Variants in GALNT18 observed in about 807,000 individuals in gnomAD.
GALNT18 encodes GalNAc-transferase 18.
In GALNT18, 44 loss-of-function variants were observed where a neutral mutation model predicts 69.5. The ratio of observed to expected loss-of-function variants is 0.63; its 90% CI spans 0.50 to 0.81. GALNT18 has a LOEUF of 0.81. Among genes scored for constraint, GALNT18 ranks in the 40% least tolerant of loss-of-function variants. GALNT18 has a pLI of 0.00. For synonymous variants in GALNT18, 364 were observed against 318.2 expected (o/e 1.14, Z -1.53); for missense variants, 715 against 810.0 (o/e 0.88, Z 1.42).
intron 1 of GALNT18, among the ~76,000 whole-genome samples, chr11:11,572,582 T>C (rs1430878437): frequency 6.6e-6 from 1 of 152,192 alleles, no homozygotes; most frequent in African/African-American, 2.4e-5. Flanking sequence ...TGTGAGAAGC[T>C]GTCTTAGATT....
chr11:11,445,506 C>A (rs1258495411), intron 2 of GALNT18, among the ~76,000 whole-genome samples: 1 of 152,202 alleles, frequency 6.6e-6, no homozygotes, highest in Admixed American at 6.5e-5. Flanking sequence ...TGTTACAAGG[C>A]AGGGATGTTT....
chr11:11,525,328 T>C (rs78211925), intron 1 of GALNT18, among the ~76,000 whole-genome samples: 5,574 of 152,120 alleles, frequency 0.037, 348 homozygotes, highest in African/African-American at 0.13. Flanking sequence ...AGTGGTAGAA[T>C]GGAGGTGAAT....
Position 11,383,835 on chromosome 11 carries a change from CTCTCTG to C in GALNT18, c.596-4577_596-4572del, listed in dbSNP as rs1409170669. On this transcript the variant is annotated intron_variant, in intron 3 of 10. Coordinates refer to ENST00000227756, the MANE Select transcript of GALNT18 (RefSeq NM_198516.3). The surrounding 1 kb of genome is among the most constrained non-coding windows in gnomAD (Gnocchi z 5.2). ...GCACTTCCTCTCTCTCTCTCTCTCT[CTCTCTG>C]TCTCTCTCTCCCTCTCTCTCCTGCC... is the stretch of plus-strand genomic sequence containing the variant. Among the ~76,000 whole-genome samples, 4 of 150,202 alleles carry C rather than the reference CTCTCTG, an allele frequency of 2.7e-5. No individual in the cohort carries two copies. The East Asian group carries it at 6.2e-4, about 23-fold the overall frequency.
Position 11,314,334 on chromosome 11 carries a change from T to C in GALNT18, c.1512+12752A>G, listed in dbSNP as rs1209569187. ...CAACTCTAATTGTGGAGTTTGGACATGAAGTGAAGAACATATCATGTGGAA... is the reference window on the plus strand; with the variant it reads ...CAACTCTAATTGTGGAGTTTGGACACGAAGTGAAGAACATATCATGTGGAA... On this transcript the variant is annotated intron_variant, in intron 9 of 10. Transcript: ENST00000227756. The surrounding 1 kb of genome is among the most constrained non-coding windows in gnomAD (Gnocchi z 5.2). Among the ~76,000 whole-genome samples the C allele has an allele frequency of 2.6e-5, 4 of 151,846 alleles. No homozygotes were observed. Among genetic ancestry groups the C allele is most frequent in the Non-Finnish European group, 4.4e-5 (3 of 68,002 alleles).
rs539787865 is a variant in GALNT18 at position 11,415,235 on chromosome 11, T to C, written c.595+17386A>G. Among the ~76,000 whole-genome samples, 3 of 152,306 alleles carry C rather than the reference T, an allele frequency of 2.0e-5. No homozygotes were observed. Among genetic ancestry groups the C allele is most frequent in the Admixed American group, 1.3e-4 (2 of 15,292 alleles). ...GGCCCAACCAACCGATTGGGGACCT[T>C]AATTACGTCAGCCAATTCCCCTCAC... On this transcript the variant is annotated intron_variant, in intron 3 of 10. Transcript: ENST00000227756. This position sits in a 1 kb window ranked among gnomAD's most constrained non-coding sequence, Gnocchi z 4.1.
In GALNT18 at chr11:11,461,819, T is replaced by G. The variant is rs968843989; in HGVS notation, c.236-12883A>C. On this transcript the variant is annotated intron_variant, in intron 1 of 10. Coordinates refer to ENST00000227756, the MANE Select transcript of GALNT18 (RefSeq NM_198516.3). This position sits in a 1 kb window ranked among gnomAD's most constrained non-coding sequence, Gnocchi z 4.1. ...TAGGACAGCCTGCAGCCCAGAACAA[T>G]GCCAGACGCCATGACTCCTTTCAAG... Among the ~76,000 whole-genome samples the G allele has an allele frequency of 3.9e-5, 6 of 152,198 alleles. No individual in the cohort carries two copies. Among genetic ancestry groups the G allele is most frequent in the Non-Finnish European group, 8.8e-5 (6 of 68,040 alleles).
intron 1 of GALNT18, among the ~76,000 whole-genome samples, chr11:11,530,900 G>T (rs1857630993): frequency 2.0e-5 from 3 of 152,200 alleles, no homozygotes; most frequent in Non-Finnish European, 4.4e-5. Flanking sequence ...GCAGAGCCAA[G>T]GAGGTAGGGT....
chr11:11,298,693 T>A (rs1044057744), intron 9 of GALNT18, among the ~76,000 whole-genome samples: 1 of 152,222 alleles, frequency 6.6e-6, no homozygotes, highest in Non-Finnish European at 1.5e-5. Context: ...GGGGCCATTG[T>A]GGGTGGGGTT....
At position 11,430,948 on chromosome 11, in the gene GALNT18, G is replaced by A. The variant is rs1421329447; in HGVS notation, c.595+1673C>T. Among the ~76,000 whole-genome samples the A allele has an allele frequency of 1.3e-5, 2 of 152,130 alleles. No individual in the cohort carries two copies. Among genetic ancestry groups the A allele is most frequent in the African/African-American group, 2.4e-5 (1 of 41,422 alleles). On this transcript the variant is annotated intron_variant, in intron 3 of 10. Coordinates refer to ENST00000227756, the MANE Select transcript of GALNT18 (RefSeq NM_198516.3). This position sits in a 1 kb window ranked among gnomAD's most constrained non-coding sequence, Gnocchi z 4.9. The stretch of plus-strand genomic sequence containing the variant: ...TGACCAAAAGCTTTAGATAGTTATT[G>A]CCATTTACAAAATAGAGTTCAAACT...
chr11:11,317,628 G>A (rs566744381), intron 9 of GALNT18, among the ~76,000 whole-genome samples: 4 of 152,248 alleles, frequency 2.6e-5, no homozygotes, highest in African/African-American at 7.2e-5. Context: ...ATAGATTCTG[G>A]ATAGCAGATC....
Position 11,379,232 on chromosome 11 carries a change from C to T in GALNT18, c.628G>A (p.Asp210Asn). The change falls in exon 4 of 11, where the codon GAC becomes AAC. Residue 210 changes from aspartate to asparagine, a missense_variant. Asp to Asn is a conservative substitution (Grantham distance 23). Transcript: ENST00000227756. ...CCTGGCTTCTGGCTGTTCACCTTGT[C>T]CACATATTCGGTCAGCTTCTCCTTC... Reference protein sequence around the residue: ...ELKEKLTEYVDKVNSQKPGFI... With the variant: ...ELKEKLTEYVNKVNSQKPGFI... 3.7e-6 allele frequency: 6 copies of T among 1,613,122 alleles called. No homozygotes were observed. The highest frequency in any genetic ancestry group is 5.1e-6 in the Non-Finnish European group (6 of 1,179,938).
At chr11:11,533,562 G>A (rs965964214) in intron 1 of GALNT18, among the ~76,000 whole-genome samples, 9 of 152,130 alleles carry the variant, frequency 5.9e-5, no homozygotes, top group Admixed American at 3.3e-4. Context: ...GGGCCCCTAC[G>A]GCACTGAGTC....
At chr11:11,514,721 A>T (rs1438372782) in intron 1 of GALNT18, among the ~76,000 whole-genome samples, 1 of 152,120 alleles carries the variant, frequency 6.6e-6, no homozygotes, top group Admixed American at 6.5e-5. Flanking sequence ...TGGTAGAGGG[A>T]CTGGAGGTTA....
At chr11:11,574,029 C>A (rs1858860472) in intron 1 of GALNT18, among the ~76,000 whole-genome samples, 1 of 152,200 alleles carries the variant, frequency 6.6e-6, no homozygotes, top group Admixed American at 6.5e-5. Context: ...TGAGCCTGAG[C>A]TTTCCACATG....
chr11:11,352,883 C>T (rs1293281799), intron 6 of GALNT18: 1 of 1,614,126 alleles, frequency 6.2e-7, no homozygotes. Flanking sequence ...TTATTTCACG[C>T]TTAATTTTCT....
chr11:11,525,037 G>T (rs954700682), intron 1 of GALNT18, among the ~76,000 whole-genome samples: 2 of 152,166 alleles, frequency 1.3e-5, no homozygotes, highest in African/African-American at 4.8e-5. Flanking sequence ...ATCAGAGAAG[G>T]TTGAAGAGAA....
Position 11,511,393 on chromosome 11 carries a change from GCT to G in GALNT18, c.236-62459_236-62458del, listed in dbSNP as rs1857161991. Among the ~76,000 whole-genome samples, 1 of 152,128 alleles carries G rather than the reference GCT, an allele frequency of 6.6e-6. No individual in the cohort carries two copies. Among genetic ancestry groups the G allele is most frequent in the African/African-American group, 2.4e-5 (1 of 41,422 alleles). ...AGGTTGCTGTGTCCCCGCAGCCAAG[GCT>G]GAAGCATGACCTAGCCAGTCCCCTA... On this transcript the variant is annotated intron_variant, in intron 1 of 10. Transcript: ENST00000227756. The surrounding 1 kb of genome is among the most constrained non-coding windows in gnomAD (Gnocchi z 4.9).
Position 11,600,907 on chromosome 11 carries a change from C to A in GALNT18, c.235+20452G>T, listed in dbSNP as rs1244390300. 6.6e-6 allele frequency among the ~76,000 whole-genome samples: 1 copy of A among 152,080 alleles called. No homozygotes were observed. The highest frequency in any genetic ancestry group is 1.5e-5 in the Non-Finnish European group (1 of 68,024). Reference sequence around the variant, plus strand: ...ATTTGCTGATACTTTCTTCTGCCAACTCAAATATATTTTTAAGTGCCCCAG... The same window carrying A: ...ATTTGCTGATACTTTCTTCTGCCAAATCAAATATATTTTTAAGTGCCCCAG... On this transcript the variant is annotated intron_variant, in intron 1 of 10. Coordinates refer to ENST00000227756, the MANE Select transcript of GALNT18 (RefSeq NM_198516.3). This position sits in a 1 kb window ranked among gnomAD's most constrained non-coding sequence, Gnocchi z 4.8.
In GALNT18 at chr11:11,383,224, G is replaced by A. The variant is rs531158206; in HGVS notation, c.596-3960C>T. ...AGCTCTCATTTCTTCAGACTTAGAC[G>A]CCAAGGAAACACAGGGGATTCACCA... On this transcript the variant is annotated intron_variant, in intron 3 of 10. Transcript: ENST00000227756. This position sits in a 1 kb window ranked among gnomAD's most constrained non-coding sequence, Gnocchi z 5.2. Among the ~76,000 whole-genome samples, 3 of 152,084 alleles carry A rather than the reference G, an allele frequency of 2.0e-5. No homozygotes were observed. Among genetic ancestry groups the A allele is most frequent in the Non-Finnish European group, 4.4e-5 (3 of 68,022 alleles).
Sources: gnomAD v4.1 joint callset for allele counts (sites outside exome capture counted in the v4.1 genomes callset) on GRCh38, gnomAD v4.1.1 for gene constraint, Gnocchi (gnomAD v3.1) non-coding constraint, MANE v1.5 for transcripts, NCBI Gene and HGNC (gene_info 2026-07-23, HGNC 2026-07-21) for gene names.